Variants in DENND2A observed in about 807,000 individuals in gnomAD.
DENND2A encodes DENN domain containing 2A.
Under a neutral mutation model 105.3 loss-of-function variants are expected in DENND2A, and 53 were observed. That is an observed-to-expected ratio of 0.50 (90% CI 0.40 to 0.63). The LOEUF (loss-of-function observed/expected upper bound fraction) is 0.63, where lower values mean the gene tolerates loss of function less well. DENND2A is among the 30% of genes least tolerant of loss of function. The probability of loss-of-function intolerance (pLI) is 0.00; values close to 1 mark genes in which losing one functional copy is unlikely to be tolerated. For synonymous variants in DENND2A, 522 were observed against 508.4 expected (o/e 1.03, Z -0.36); for missense variants, 1,138 against 1,279.6 (o/e 0.89, Z 1.69).
rs144106057 is a variant in DENND2A at position 140,596,614 on chromosome 7, T to A, written c.995+4789A>T. ...ACTGAGGTTTCACGTCCTCAAGAAG[T>A]TCTGAAAGTCTTACACTAAAGCTCC... is the stretch of plus-strand genomic sequence containing the variant. On this transcript the variant is annotated intron_variant, in intron 3 of 19. Transcript: ENST00000496613. Among the ~76,000 whole-genome samples, 1,088 of 152,316 alleles carry A rather than the reference T, an allele frequency of 7.1e-3. 47 individuals carry two copies. Among genetic ancestry groups the A allele is most frequent in the Admixed American group, 0.062 (941 of 15,298 alleles).
chr7:140,587,465 T>C (rs1036135557), intron 4 of DENND2A, among the ~76,000 whole-genome samples, 188 bp downstream of exon 4: 4 of 152,282 alleles, frequency 2.6e-5, no homozygotes, highest in Admixed American at 6.5e-5. Context: ...CCCTAGGGTC[T>C]GTCATATATC....
rs1797544510 is a variant in DENND2A at position 140,559,870 on chromosome 7, T to C, written c.1780-53A>G. The C allele has an allele frequency of 7.4e-7, 1 of 1,356,630 alleles. No homozygotes were observed. Among genetic ancestry groups the C allele is most frequent in the Admixed American group, 1.8e-5 (1 of 56,786 alleles). 84.0% of individuals were successfully genotyped at this position (1,356,630 alleles called of 1,614,324 possible). ...CGAGAACAAATCTCAGCATGGGAAA[T>C]TGAGGCGGATGATGGTAAGGATGGC... On this transcript the variant is annotated intron_variant, in intron 9 of 19. Transcript: ENST00000496613. This position sits in a 1 kb window ranked among gnomAD's most constrained non-coding sequence, Gnocchi z 4.1.
In DENND2A at chr7:140,569,049, T is replaced by G. The variant is rs1797984487; in HGVS notation, c.1541-236A>C. Among the ~76,000 whole-genome samples, 5 of 152,008 alleles carry G rather than the reference T, an allele frequency of 3.3e-5. No individual in the cohort carries two copies. In the South Asian group the frequency reaches 1.0e-3, roughly 32 times the overall value. On this transcript the variant is annotated intron_variant, in intron 7 of 19. Transcript: ENST00000496613. Reference sequence around the variant, plus strand: ...CAGTGATTCTCCTGCCTTAGCCTCCTGAGTAGCTGGGACTACAGGTGTATG... The same window carrying G: ...CAGTGATTCTCCTGCCTTAGCCTCCGGAGTAGCTGGGACTACAGGTGTATG...
intron 1 of DENND2A, among the ~76,000 whole-genome samples, chr7:140,627,950 C>A (rs907712232): frequency 6.6e-6 from 1 of 152,018 alleles, no homozygotes; most frequent in Admixed American, 6.6e-5. Flanking sequence ...TACCACCATG[C>A]CCAACTAATT....
Position 140,544,798 on chromosome 7 carries a change from G to A in DENND2A, c.2179-32C>T, listed in dbSNP as rs576953142. Reference sequence around the variant, plus strand: ...GGGAACAGGAGCAGCCATGAAGGAGGGGCCCAGCTACGCAGCCAGGCCTCT... The same window carrying A: ...GGGAACAGGAGCAGCCATGAAGGAGAGGCCCAGCTACGCAGCCAGGCCTCT... On this transcript the variant is annotated intron_variant, in intron 13 of 19. Coordinates refer to ENST00000496613, the MANE Select transcript of DENND2A (RefSeq NM_015689.5). 2.2e-5 allele frequency: 34 copies of A among 1,555,188 alleles called. No individual in the cohort carries two copies. In the African/African-American group the frequency reaches 3.5e-4, roughly 16 times the overall value.
At position 140,559,358 on chromosome 7, in the gene DENND2A, A is replaced by G. The variant is rs1411667729; in HGVS notation, c.1889+350T>C. Among the ~76,000 whole-genome samples, 2 of 152,242 alleles carry G rather than the reference A, an allele frequency of 1.3e-5. No individual in the cohort carries two copies. Among genetic ancestry groups the G allele is most frequent in the Admixed American group, 1.3e-4 (2 of 15,288 alleles). On this transcript the variant is annotated intron_variant, in intron 10 of 19. Coordinates refer to ENST00000496613, the MANE Select transcript of DENND2A (RefSeq NM_015689.5). The surrounding 1 kb of genome is among the most constrained non-coding windows in gnomAD (Gnocchi z 4.1). ...ATTACTCGGGATGAAGCAGAAATGT[A>G]AACGGATCCCAATCCAAGAAACATC... is the stretch of plus-strand genomic sequence containing the variant.
At chr7:140,639,721 G>A (rs191285992) in intron 1 of DENND2A, among the ~76,000 whole-genome samples, 73 of 152,244 alleles carry the variant, frequency 4.8e-4, no homozygotes, top group Non-Finnish European at 7.2e-4. Context: ...TTCCTGAATC[G>A]CATCTGAACA....
At position 140,521,863 on chromosome 7, in the gene DENND2A, T is replaced by A. The variant is rs1266393139; in HGVS notation, c.2903A>T (p.Asp968Val). 5 of 1,613,778 alleles carry A rather than the reference T, an allele frequency of 3.1e-6. No individual in the cohort carries two copies. Among genetic ancestry groups the A allele is most frequent in the Admixed American group, 1.7e-5 (1 of 59,998 alleles). Reference sequence around the variant, plus strand: ...GAGAAGATGCCCCTCACCTTTGGCATCCTGCCGGCGCAGCTCCCGCTCCTG... The same window carrying A: ...GAGAAGATGCCCCTCACCTTTGGCAACCTGCCGGCGCAGCTCCCGCTCCTG... ...FIQERELRRQ[D>V]AKGLFEVRAQ... is the part of the protein sequence containing the mutation. Residue 968 changes from aspartate (D) to valine (V), a missense_variant, in exon 18 of 20, where the codon GAT becomes GTT. Transcript: ENST00000496613.
At chr7:140,589,723 G>C (rs1211791638) in intron 3 of DENND2A, among the ~76,000 whole-genome samples, 2 of 152,260 alleles carry the variant, frequency 1.3e-5, no homozygotes, top group East Asian at 3.9e-4. Context: ...CAAATTCCTG[G>C]GCTCAGGCAA....
chr7:140,589,638 T>C (rs149724200), intron 3 of DENND2A, among the ~76,000 whole-genome samples: 3 of 152,278 alleles, frequency 2.0e-5, no homozygotes, highest in African/African-American at 7.2e-5. Context: ...GAGAGCTCTA[T>C]TTATTTTTAG....
intron 1 of DENND2A, among the ~76,000 whole-genome samples, chr7:140,612,344 GAT>G (rs1379204915): frequency 6.6e-6 from 1 of 151,936 alleles, no homozygotes; most frequent in Non-Finnish European, 1.5e-5. Flanking sequence ...AAAAAAATAA[GAT>G]ATATGCGCAG....
In DENND2A at chr7:140,635,706, T is replaced by C. The variant is rs139420115; in HGVS notation, c.-248+4798A>G. Among the ~76,000 whole-genome samples the C allele has an allele frequency of 2.0e-5, 3 of 152,292 alleles. No individual in the cohort carries two copies. The East Asian group carries it at 5.8e-4, about 29-fold the overall frequency. ...ACTTGGTTTCCCATAGTTCAGCCAG[T>C]TGGAAGAGTGGGTCTCAGGCTTATC... On this transcript the variant is annotated intron_variant, in intron 1 of 19. Coordinates refer to ENST00000496613, the MANE Select transcript of DENND2A (RefSeq NM_015689.5).
At chr7:140,579,024 G>T (rs1047657223) in intron 5 of DENND2A, among the ~76,000 whole-genome samples, 1 of 151,680 alleles carries the variant, frequency 6.6e-6, no homozygotes, top group African/African-American at 2.4e-5. Context: ...GGCCTGGAGC[G>T]GTGGCTCATG....
At chr7:140,520,976 G>A (rs1795839524) in intron 18 of DENND2A, among the ~76,000 whole-genome samples, 1 of 151,672 alleles carries the variant, frequency 6.6e-6, no homozygotes, top group Non-Finnish European at 1.5e-5. Flanking sequence ...CTGGGTTCAA[G>A]CGATTCTCCT....
chr7:140,605,041 CTT>C (rs1175988213), intron 2 of DENND2A, among the ~76,000 whole-genome samples: 1 of 152,182 alleles, frequency 6.6e-6, no homozygotes. Context: ...TGTCGGAAAA[CTT>C]GAGAGGAACA....
chr7:140,621,606 T>C (rs1437832116), intron 1 of DENND2A, among the ~76,000 whole-genome samples: 2 of 152,180 alleles, frequency 1.3e-5, no homozygotes, highest in Non-Finnish European at 2.9e-5. Flanking sequence ...ACAAAGGGCC[T>C]GTTATAGTCA....
At chr7:140,604,254 T>C (rs952573040) in intron 2 of DENND2A, among the ~76,000 whole-genome samples, 2 of 152,264 alleles carry the variant, frequency 1.3e-5, no homozygotes, top group African/African-American at 4.8e-5. Flanking sequence ...GTTGTTTGTG[T>C]AAAGACCTCT....
At position 140,527,526 on chromosome 7, in the gene DENND2A, C is replaced by A; in HGVS notation, c.2328-31G>T. 2 of 1,564,194 alleles carry A rather than the reference C, an allele frequency of 1.3e-6. No individual in the cohort carries two copies. The highest frequency in any genetic ancestry group is 1.7e-6 in the Non-Finnish European group (2 of 1,151,436). ...GCCGGGGAGAGAACAGGGAGAGAGG[C>A]CGACTCAGCGAGGGCCCGAGGAAGC... is the stretch of plus-strand genomic sequence containing the variant. On this transcript the variant is annotated intron_variant, in intron 14 of 19. Coordinates refer to ENST00000496613, the MANE Select transcript of DENND2A (RefSeq NM_015689.5). This position sits in a 1 kb window ranked among gnomAD's most constrained non-coding sequence, Gnocchi z 4.9.
intron 9 of DENND2A, among the ~76,000 whole-genome samples, chr7:140,562,109 C>T (rs1297096750): frequency 3.3e-5 from 5 of 151,804 alleles, no homozygotes; most frequent in African/African-American, 9.7e-5. Flanking sequence ...AGGCTGGTCT[C>T]GAACTCCTGA....
Sources: allele counts gnomAD v4.1 joint callset (sites outside exome capture counted in the v4.1 genomes callset), GRCh38; gene constraint gnomAD v4.1.1; non-coding constraint Gnocchi (gnomAD v3.1); transcripts MANE v1.5; gene names NCBI Gene and HGNC (gene_info 2026-07-23, HGNC 2026-07-21).